The following STAB2 variants were observed in gnomAD, a reference collection of about 807,000 sequenced individuals.
The protein encoded by STAB2 is stabilin-2.
A neutral mutation model predicts 338.1 loss-of-function variants in STAB2; 288 were observed. The observed-to-expected ratio is 0.85, with a 90% CI of 0.77 to 0.94. The LOEUF (loss-of-function observed/expected upper bound fraction) is 0.94, where lower values mean the gene tolerates loss of function less well. STAB2 is among the 40% of genes least tolerant of loss of function. The probability of loss-of-function intolerance (pLI) is 0.00; values close to 1 mark genes in which losing one functional copy is unlikely to be tolerated. For missense variants in STAB2, 3,141 were observed against 3,210.1 expected, an observed-to-expected ratio of 0.98 and a Z score of 0.52; for synonymous variants, 1,202 against 1,193.3, an observed-to-expected ratio of 1.01 and a Z score of -0.15.
chr12:103,732,041 G>T (rs1881675850), intron 50 of STAB2, among the ~76,000 whole-genome samples: 1 of 152,224 alleles, frequency 6.6e-6, no homozygotes, highest in Non-Finnish European at 1.5e-5. Flanking sequence ...AGGCACAGTG[G>T]CTCACACCTG....
At position 103,763,542 on chromosome 12, in the gene STAB2, T is replaced by TATC. The variant is rs762006927; in HGVS notation, c.7540_7542dup (p.Ile2514dup). 1.2e-6 allele frequency: 2 copies of TATC among 1,614,134 alleles called. No homozygotes were observed. The highest frequency in any genetic ancestry group is 4.5e-5 in the East Asian group (2 of 44,874). ...CTCTTGGCAAGCAGCAGCCTGAGAA[T>TATC]ATCTCGAACCCCTTGTATGAGAGCA... On this transcript the variant is annotated inframe_insertion, in exon 68 of 69. Coordinates refer to ENST00000388887, the MANE Select transcript of STAB2 (RefSeq NM_017564.10).
At chr12:103,753,435 T>A in intron 61 of STAB2, 82 bp downstream of exon 61, 1 of 1,590,038 alleles carries the variant, frequency 6.3e-7, no homozygotes, top group Non-Finnish European at 8.6e-7. Context: ...GGGGAAGACT[T>A]GAGCTGTTGC....
chr12:103,712,429 G>A lies in STAB2; in HGVS notation c.4397G>A (p.Gly1466Glu), dbSNP rs143575398. The change falls in exon 41 of 69, where the codon GGG becomes GAG. Residue 1466 changes from glycine (G) to glutamate (E), a missense_variant. Transcript: ENST00000388887. ...CKCAAGFQGN[G>E]TICTAINACE... ...TGTGCAGCAGGATTCCAAGGAAACGGGACCATCTGCACAGGCAAGCGAAGG... is the reference window on the plus strand; with the variant it reads ...TGTGCAGCAGGATTCCAAGGAAACGAGACCATCTGCACAGGCAAGCGAAGG... 6.2e-7 allele frequency: 1 copy of A among 1,613,848 alleles called. No individual in the cohort carries two copies. Among genetic ancestry groups the A allele is most frequent in the Non-Finnish European group, 8.5e-7 (1 of 1,179,810 alleles).
chr12:103,714,931 T>A (rs1880187072), intron 42 of STAB2, among the ~76,000 whole-genome samples: 1 of 152,238 alleles, frequency 6.6e-6, no homozygotes, highest in Non-Finnish European at 1.5e-5. Context: ...TTTTGTCAGT[T>A]GTTCAATAAT....
At chr12:103,717,044 C>G (rs911774055) in intron 43 of STAB2, among the ~76,000 whole-genome samples, 1 of 152,218 alleles carries the variant, frequency 6.6e-6, no homozygotes, top group Non-Finnish European at 1.5e-5. Context: ...GACGTCAACC[C>G]AGGGCCCTTG....
At chr12:103,732,091 T>C (rs1293538982) in intron 50 of STAB2, among the ~76,000 whole-genome samples, 1 of 152,168 alleles carries the variant, frequency 6.6e-6, no homozygotes, top group Non-Finnish European at 1.5e-5. Flanking sequence ...GGTGGATCAC[T>C]TGAGGTCAGG....
chr12:103,637,315 T>G (rs1360065612), intron 7 of STAB2, 79 bp downstream of exon 7: 2 of 1,525,884 alleles, frequency 1.3e-6, no homozygotes, highest in East Asian at 4.8e-5. Flanking sequence ...TCTCACAACC[T>G]CCTTAACACA....
intron 42 of STAB2, among the ~76,000 whole-genome samples, chr12:103,715,572 G>C (rs1880241085): frequency 6.6e-6 from 1 of 152,188 alleles, no homozygotes; most frequent in African/African-American, 2.4e-5. Context: ...TCCACGGACT[G>C]ATTTAAGCCA....
intron 38 of STAB2, among the ~76,000 whole-genome samples, chr12:103,707,721 T>TA (rs1310992773): frequency 2.0e-5 from 3 of 152,238 alleles, no homozygotes; most frequent in East Asian, 1.9e-4. Context: ...TACCTAGTAC[T>TA]AAAAACCATA....
intron 23 of STAB2, among the ~76,000 whole-genome samples, chr12:103,675,424 C>T (rs1876244532): frequency 6.6e-6 from 1 of 152,210 alleles, no homozygotes; most frequent in African/African-American, 2.4e-5. Flanking sequence ...ACCTGATTGT[C>T]ATTTTCAAAT....
chr12:103,665,538 G>T (rs927186801), intron 18 of STAB2, among the ~76,000 whole-genome samples: 2 of 152,190 alleles, frequency 1.3e-5, no homozygotes, highest in Non-Finnish European at 2.9e-5. Flanking sequence ...CCTGAACCCA[G>T]TGAGAGCAGG....
rs1401101729 is a variant in STAB2, at chr12:103,638,119, T to G, written c.813T>G (p.Asp271Glu). Residue 271 changes from aspartate to glutamate, a missense_variant, in exon 8 of 69, where the codon GAT becomes GAG. Transcript: ENST00000388887. ...CATGCCAAGAAGGCTACCGTGGGGA[T>G]GGCCAAGTGTGCTTGCCTGTGGACC... The part of the protein sequence containing the change: ...SCTCQEGYRG[D>E]GQVCLPVDPC... The G allele has an allele frequency of 5.0e-6, 8 of 1,614,222 alleles. No homozygotes were observed. Among genetic ancestry groups the G allele is most frequent in the Non-Finnish European group, 6.8e-6 (8 of 1,180,040 alleles).
At chr12:103,693,041 C>A (rs1016090517) in intron 31 of STAB2, 152 bp downstream of exon 31, 117 of 553,030 alleles carry the variant, frequency 2.1e-4, no homozygotes, top group Non-Finnish European at 4.7e-5. Context: ...TTAAAACCAT[C>A]AAGAGAGTCT....
At chr12:103,704,820 G>T in intron 36 of STAB2, 1 of 491,834 alleles carries the variant, frequency 2.0e-6, no homozygotes, top group Non-Finnish European at 3.6e-6. Context: ...ACATAAATGG[G>T]TTCATATGAA....
rs1372783865 is a variant in STAB2, at chr12:103,690,722, C to T, written c.3297+184C>T. The stretch of plus-strand genomic sequence containing the variant: ...ATATATCAATACATACACATATACA[C>T]GTTACCCTATAGCAGTGATCCTCTA... On this transcript the variant is annotated intron_variant, in intron 30 of 68. Transcript: ENST00000388887. Among the ~76,000 whole-genome samples, 3 of 152,238 alleles carry T rather than the reference C, an allele frequency of 2.0e-5. No homozygotes were observed. In the South Asian group the frequency reaches 6.2e-4, roughly 32 times the overall value.
chr12:103,692,918 A>G (rs1477072607), intron 31 of STAB2, 29 bp downstream of exon 31: 2 of 1,584,916 alleles, frequency 1.3e-6, no homozygotes, highest in Non-Finnish European at 1.7e-6. Context: ...CTGTGCGTGC[A>G]GCATCTCTTT....
intron 3 of STAB2, among the ~76,000 whole-genome samples, chr12:103,597,750 T>C (rs1394086273): frequency 6.6e-6 from 1 of 152,182 alleles, no homozygotes; most frequent in East Asian, 1.9e-4. Flanking sequence ...CTATTTGGGA[T>C]GAAATCGATT....
chr12:103,723,499 T>C (rs1880932703), intron 44 of STAB2, among the ~76,000 whole-genome samples: 1 of 152,238 alleles, frequency 6.6e-6, no homozygotes, highest in South Asian at 2.1e-4. Context: ...GGAGTTATAA[T>C]TCAAAATGAG....
At chr12:103,642,029 G>A (rs1872962342) in intron 9 of STAB2, among the ~76,000 whole-genome samples, 1 of 152,218 alleles carries the variant, frequency 6.6e-6, no homozygotes, top group Non-Finnish European at 1.5e-5. Context: ...ACCTGATCGA[G>A]AAGGGTGGGT....
Sources: gnomAD v4.1 joint callset for allele counts (sites outside exome capture counted in the v4.1 genomes callset) on GRCh38, gnomAD v4.1.1 for gene constraint, MANE v1.5 for transcripts, NCBI Gene and HGNC (gene_info 2026-07-23, HGNC 2026-07-21) for gene names.